The following TSEN2 variants were observed in gnomAD, a reference collection of about 807,000 sequenced individuals.
TSEN2 encodes the protein tRNA-splicing endonuclease subunit Sen2.
TSEN2 carries 54 observed loss-of-function variants against 59.2 expected under a neutral mutation model. The ratio of observed to expected loss-of-function variants is 0.91; its 90% CI spans 0.73 to 1.14. The LOEUF is 1.14. Ranked by LOEUF, TSEN2 falls within the 50% of genes most tolerant of loss-of-function variation. The pLI, the probability that TSEN2 is intolerant of heterozygous loss-of-function variation, is 0.00. For synonymous variants in TSEN2, 195 were observed against 198.2 expected, an observed-to-expected ratio of 0.98 and a Z score of 0.14; for missense variants, 636 against 576.2, an observed-to-expected ratio of 1.10 and a Z score of -1.06.
downstream of TSEN2, among the ~76,000 whole-genome samples, chr3:12,535,811 A>G (rs1400665449): frequency 6.6e-6 from 1 of 152,032 alleles, no homozygotes; most frequent in Non-Finnish European, 1.5e-5. Flanking sequence ...GGATTTTCCT[A>G]ACTTTTAAAT....
chr3:12,529,658 T>C, intron 9 of TSEN2, 104 bp from the exon 10 acceptor site: 1 of 1,018,676 alleles, frequency 9.8e-7, no homozygotes, highest in East Asian at 2.6e-5. Context: ...AATCAGATGA[T>C]GCAAATTTCA....
At chr3:12,519,302 GTA>G in intron 8 of TSEN2, 105 bp downstream of exon 8, 1 of 1,501,230 alleles carries the variant, frequency 6.7e-7, no homozygotes, top group Non-Finnish European at 9.3e-7. Flanking sequence ...TTCTAAGAAG[GTA>G]TCCTTTGGGT....
intron 4 of TSEN2, among the ~76,000 whole-genome samples, chr3:12,499,506 G>T (rs2054079062): frequency 6.6e-6 from 1 of 152,242 alleles, no homozygotes; most frequent in Non-Finnish European, 1.5e-5. Context: ...TGCTCTGGCA[G>T]TGCCATTCCC....
At chr3:12,499,896 G>A (rs1288344645) in intron 4 of TSEN2, among the ~76,000 whole-genome samples, 4 of 152,146 alleles carry the variant, frequency 2.6e-5, no homozygotes, top group East Asian at 1.9e-4. Context: ...ACCTATGTGC[G>A]CTAACCACTC....
chr3:12,532,813 A>G lies in TSEN2; in HGVS notation c.*92A>G, dbSNP rs2057548939. On this transcript the variant is annotated 3_prime_UTR_variant, in exon 12 of 12. Coordinates refer to ENST00000284995, the MANE Select transcript of TSEN2 (RefSeq NM_025265.4). ...TTGTTGTAATCGTCCATTAATTCAT[A>G]AGTTTTAAAGGGCATGGTGCTCCCA... 1 of 1,228,210 alleles carries G rather than the reference A, an allele frequency of 8.1e-7. No homozygotes were observed. The highest frequency in any genetic ancestry group is 1.2e-6 in the Non-Finnish European group (1 of 837,768). 76.1% of individuals were successfully genotyped at this position (1,228,210 alleles called of 1,614,324 possible).
At chr3:12,486,329 T>G (rs1468091773) in intron 1 of TSEN2, among the ~76,000 whole-genome samples, 1 of 152,222 alleles carries the variant, frequency 6.6e-6, no homozygotes, top group Non-Finnish European at 1.5e-5. Flanking sequence ...CAGTCTTTTC[T>G]CCTCTGCTTT....
rs754166357 is a variant in TSEN2 at position 12,529,766 on chromosome 3, T to A, written c.1141T>A (p.Ser381Thr). The A allele has an allele frequency of 9.3e-6, 15 of 1,613,790 alleles. No homozygotes were observed. In the South Asian group the frequency reaches 1.4e-4, roughly 15 times the overall value. Reference sequence around the variant, plus strand: ...TGCTTTTTCTGTATTTTCCAGTTATTCTGTCATTATCGAGCTAGTTGATGA... The same window carrying A: ...TGCTTTTTCTGTATTTTCCAGTTATACTGTCATTATCGAGCTAGTTGATGA... ...KGPPFYHASYSVIIELVDDHF... is the reference protein window; with the variant it reads ...KGPPFYHASYTVIIELVDDHF... The change falls in exon 10 of 12, where the codon TCT (serine) becomes ACT (threonine). Residue 381 changes from serine to threonine, a missense_variant. Transcript: ENST00000284995.
upstream of TSEN2, among the ~76,000 whole-genome samples, chr3:12,483,055 T>C (rs1299080080): frequency 1.3e-5 from 2 of 152,212 alleles, no homozygotes; most frequent in East Asian, 3.8e-4. Flanking sequence ...GATCTCACTC[T>C]ACCAAGAGCA....
chr3:12,499,094 G>T (rs1224982666), intron 4 of TSEN2, among the ~76,000 whole-genome samples: 1 of 152,074 alleles, frequency 6.6e-6, no homozygotes, highest in Non-Finnish European at 1.5e-5. Flanking sequence ...CTGAAATTCT[G>T]ATTTTTATTT....
At chr3:12,497,526 C>A (rs1390930031) in intron 4 of TSEN2, among the ~76,000 whole-genome samples, 1 of 152,122 alleles carries the variant, frequency 6.6e-6, no homozygotes, top group Non-Finnish European at 1.5e-5. Context: ...GTGGGAGGGA[C>A]CTGCTAAGAA....
chr3:12,481,916 T>TGTG (rs1353179737), upstream of TSEN2, among the ~76,000 whole-genome samples: 1 of 103,326 alleles, frequency 9.7e-6, no homozygotes, highest in Non-Finnish European at 1.8e-5. Context: ...TGTGTGTGTG[T>TGTG]GTCTGCGTAT....
intron 6 of TSEN2, chr3:12,515,150 CAG>C: frequency 6.6e-6 from 1 of 152,334 alleles, no homozygotes; most frequent in African/African-American, 2.4e-5. Context: ...GCTATGAAGA[CAG>C]ATGTCATCAG....
chr3:12,510,321 A>G lies in TSEN2; in HGVS notation c.909+5090A>G, dbSNP rs184396733. On this transcript the variant is annotated intron_variant, in intron 6 of 11. Coordinates refer to ENST00000284995, the MANE Select transcript of TSEN2 (RefSeq NM_025265.4). Reference sequence around the variant, plus strand: ...TGTCACATTCTTTAACTGTGTTGATATCATTCAGCTGTGGCTCTGAGTTTG... The same window carrying G: ...TGTCACATTCTTTAACTGTGTTGATGTCATTCAGCTGTGGCTCTGAGTTTG... Among the ~76,000 whole-genome samples the G allele has an allele frequency of 7.0e-3, 1,059 of 152,292 alleles. 6 individuals carry two copies. The highest frequency in any genetic ancestry group is 0.024 in the African/African-American group (999 of 41,554).
chr3:12,529,659 G>A (rs2057335004), intron 9 of TSEN2, 103 bp from the exon 10 acceptor site: 1 of 1,025,422 alleles, frequency 9.8e-7, no homozygotes, highest in East Asian at 2.6e-5. Flanking sequence ...ATCAGATGAT[G>A]CAAATTTCAT....
rs573233382 is a variant in TSEN2, at chr3:12,517,835, G to A, written c.960+1174G>A. On this transcript the variant is annotated intron_variant, in intron 7 of 11. Transcript: ENST00000284995. ...AAGCCTCAACATCTGAACAACACTG[G>A]GCTGTGTTGGAAATTCAGCCTTCTC... Among the ~76,000 whole-genome samples, 3 of 152,180 alleles carry A rather than the reference G, an allele frequency of 2.0e-5. No homozygotes were observed. The East Asian group carries it at 5.8e-4, about 29-fold the overall frequency.
chr3:12,538,528 A>G (rs1454073270), downstream of TSEN2, among the ~76,000 whole-genome samples: 2 of 151,962 alleles, frequency 1.3e-5, no homozygotes, highest in Non-Finnish European at 2.9e-5. Flanking sequence ...TCTCGGTGTA[A>G]TGGCTTCCCC....
At chr3:12,495,855 C>T (rs2053694617) in intron 3 of TSEN2, among the ~76,000 whole-genome samples, 2 of 152,174 alleles carry the variant, frequency 1.3e-5, no homozygotes, top group South Asian at 4.1e-4. Context: ...ATAAACATTT[C>T]GGTTGGAAAG....
intron 10 of TSEN2, chr3:12,530,818 G>C (rs993661179): frequency 1.0e-6 from 1 of 952,724 alleles, no homozygotes; most frequent in Admixed American, 6.2e-5. Context: ...CTTTAATGTC[G>C]TATAACAAAA....
At position 12,528,950 on chromosome 3, in the gene TSEN2, A is replaced by G; in HGVS notation, c.1136+26A>G. 1.9e-6 allele frequency: 3 copies of G among 1,613,546 alleles called. No individual in the cohort carries two copies. In the Admixed American group the frequency reaches 5.0e-5, roughly 27 times the overall value. ...GTTCGGAGTGATTTTTAAATAAACT[A>G]ATGGGTTAAAGGGACACAAGGAATT... On this transcript the variant is annotated intron_variant, in intron 9 of 11. Transcript: ENST00000284995.
Sources: allele counts gnomAD v4.1 joint callset (sites outside exome capture counted in the v4.1 genomes callset), GRCh38; gene constraint gnomAD v4.1.1; transcripts MANE v1.5; gene names NCBI Gene and HGNC (gene_info 2026-07-23, HGNC 2026-07-21).